LOXL1: variants seen among roughly 807,000 people sequenced by gnomAD.
The protein encoded by LOXL1 is lysyl oxidase like 1.
In LOXL1, 31 loss-of-function variants were observed where a neutral mutation model predicts 62.2. The ratio of observed to expected loss-of-function variants is 0.50; its 90% CI spans 0.37 to 0.67. LOXL1 has a LOEUF of 0.67. Among genes scored for constraint, LOXL1 ranks in the 30% least tolerant of loss-of-function variants. The pLI, the probability that LOXL1 is intolerant of heterozygous loss-of-function variation, is 0.00. For synonymous variants in LOXL1, 403 were observed against 384.4 expected (o/e 1.05, Z -0.56); for missense variants, 775 against 843.4 (o/e 0.92, Z 1.00).
chr15:73,942,616 A>C (rs1039559067), intron 1 of LOXL1, among the ~76,000 whole-genome samples: 2 of 151,980 alleles, frequency 1.3e-5, no homozygotes, highest in Non-Finnish European at 2.9e-5. Context: ...AAGCTTTTCC[A>C]GGAAGTCTTA....
intron 1 of LOXL1, 29 bp downstream of exon 1, chr15:73,927,914 C>T: frequency 7.7e-7 from 1 of 1,297,190 alleles, no homozygotes; most frequent in Non-Finnish European, 9.7e-7. Context: ...CCCCTCCGGC[C>T]GCGCGTACCC....
chr15:73,942,816 T>C (rs766244904), intron 1 of LOXL1, 38 bp from the exon 2 acceptor site: 1 of 1,297,194 alleles, frequency 7.7e-7, no homozygotes, highest in South Asian at 1.2e-5. Flanking sequence ...TGTCATGCTC[T>C]TCCTCCCTCC....
Position 73,927,824 on chromosome 15 carries a change from C to G in LOXL1, c.1041C>G (p.Asn347Lys). 1 of 1,357,566 alleles carries G rather than the reference C, an allele frequency of 7.4e-7. No individual in the cohort carries two copies. The highest frequency in any genetic ancestry group is 9.4e-7 in the Non-Finnish European group (1 of 1,063,764). The allele number at this position is 1,357,566 out of a possible 1,614,324, so 84.1% of individuals were successfully genotyped here. Residue 347 changes from asparagine to lysine, a missense_variant, in exon 1 of 7, where the codon AAC (asparagine) becomes AAG (lysine). Physicochemically the swap from Asn to Lys is moderately conservative, Grantham distance 94 (BLOSUM62 0). Transcript: ENST00000261921. ...SDTPPPGGER[N>K]GAQQGRLSVG... The stretch of plus-strand genomic sequence containing the variant: ...CGCCCCCGCCGGGTGGGGAGCGGAA[C>G]GGCGCGCAGCAGGGCCGCCTCAGCG...
intron 1 of LOXL1, among the ~76,000 whole-genome samples, chr15:73,938,670 C>T (rs2068693155): frequency 6.6e-6 from 1 of 152,196 alleles, no homozygotes; most frequent in Non-Finnish European, 1.5e-5. Flanking sequence ...AAGATCGCAC[C>T]ACTGCCCTCC....
chr15:73,949,429 C>T (rs1397475753), intron 5 of LOXL1, 30 bp from the exon 6 acceptor site: 2 of 1,338,316 alleles, frequency 1.5e-6, no homozygotes, highest in Admixed American at 1.7e-5. Flanking sequence ...TGACTAGACT[C>T]CCTTTCTCCC....
rs754733212 is a variant in LOXL1 at position 73,947,185 on chromosome 15, G to T, written c.1468G>T (p.Gly490Cys). ...FCLEDSTCDF[G>C]NLKRYACTSH... ...CCTGGAGGACAGCACCTGTGACTTC[G>T]GCAACCTCAAGCGCTATGCATGCAC... is the stretch of plus-strand genomic sequence containing the variant. The change falls in exon 4 of 7, where the codon GGC (glycine) becomes TGC (cysteine). Residue 490 changes from glycine (G) to cysteine (C), a missense_variant. Physicochemically the swap from Gly to Cys is radical, Grantham distance 159. Coordinates refer to ENST00000261921, the MANE Select transcript of LOXL1 (RefSeq NM_005576.4). 2.5e-6 allele frequency: 4 copies of T among 1,613,120 alleles called. No individual in the cohort carries two copies. The highest frequency in any genetic ancestry group is 2.2e-5 in the East Asian group (1 of 44,874).
chr15:73,937,136 G>A (rs67173550), intron 1 of LOXL1, among the ~76,000 whole-genome samples: 44,358 of 152,040 alleles, frequency 0.29, 7,021 homozygotes, highest in East Asian at 0.55. Flanking sequence ...TTTGTCCTCC[G>A]GTTCCCGAGG....
chr15:73,949,364 T>G, intron 5 of LOXL1, 95 bp from the exon 6 acceptor site: 3 of 769,650 alleles, frequency 3.9e-6, no homozygotes, highest in Non-Finnish European at 7.2e-6. Flanking sequence ...CCTCTCTGTC[T>G]GTCTGTCTGC....
chr15:73,943,060 C>G lies in LOXL1; in HGVS notation c.1211+98C>G, dbSNP rs1242317291. 5 of 930,822 alleles carry G rather than the reference C, an allele frequency of 5.4e-6. No individual in the cohort carries two copies. In the African/African-American group the frequency reaches 8.1e-5, roughly 15 times the overall value. 57.7% of individuals were successfully genotyped at this position (930,822 alleles called of 1,614,324 possible). A position where few individuals can be genotyped will look rare whatever the true frequency, so the allele number is the denominator to read the frequency against. On this transcript the variant is annotated intron_variant, in intron 2 of 6. Coordinates refer to ENST00000261921, the MANE Select transcript of LOXL1 (RefSeq NM_005576.4). ...GGCTGCCAGCTAGGCTGTCTGCAAGCTGATGACCCTGGCCAAGTGCCCCAG... is the reference window on the plus strand; with the variant it reads ...GGCTGCCAGCTAGGCTGTCTGCAAGGTGATGACCCTGGCCAAGTGCCCCAG...
intron 1 of LOXL1, among the ~76,000 whole-genome samples, chr15:73,940,915 A>G (rs1344475913): frequency 3.3e-5 from 5 of 152,152 alleles, no homozygotes; most frequent in Admixed American, 1.3e-4. Context: ...TCAGGCCACA[A>G]AAGCTTTGTG....
intron 3 of LOXL1, 131 bp from the exon 4 acceptor site, chr15:73,946,936 C>G: frequency 9.9e-7 from 1 of 1,013,076 alleles, no homozygotes; most frequent in Non-Finnish European, 1.4e-6. Flanking sequence ...ACTCAGGAGA[C>G]AGGAGAACCT....
chr15:73,940,039 T>C (rs1438939785), intron 1 of LOXL1, among the ~76,000 whole-genome samples: 1 of 152,180 alleles, frequency 6.6e-6, no homozygotes, highest in Admixed American at 6.5e-5. Flanking sequence ...AAAACAAAAG[T>C]TGCTCCACTG....
Position 73,942,976 on chromosome 15 carries a change from GC to G in LOXL1, c.1211+15del, listed in dbSNP as rs1567088228. On this transcript the variant is annotated intron_variant, in intron 2 of 6. Transcript: ENST00000261921. ...GTGTCTGGCCAGGTAAGGAGCTGAGGCAGAAGTGTAGAGTGTTGGGATAGTC... is the reference window on the plus strand; with the variant it reads ...GTGTCTGGCCAGGTAAGGAGCTGAGGAGAAGTGTAGAGTGTTGGGATAGTC... The G allele has an allele frequency of 2.5e-6, 4 of 1,597,416 alleles. No individual in the cohort carries two copies. The East Asian group carries it at 8.9e-5, about 36-fold the overall frequency.
rs541838051 is a variant in LOXL1, at chr15:73,945,515, G to A, written c.1212-902G>A. Reference sequence around the variant, plus strand: ...GTCAGGGAAAAAGTTCAGCCTGTTTGGAAAATAGGCTTTGAAGCAGGAACC... The same window carrying A: ...GTCAGGGAAAAAGTTCAGCCTGTTTAGAAAATAGGCTTTGAAGCAGGAACC... On this transcript the variant is annotated intron_variant, in intron 2 of 6. Transcript: ENST00000261921. The surrounding 1 kb of genome is among the most constrained non-coding windows in gnomAD (Gnocchi z 4.3). Among the ~76,000 whole-genome samples, 9 of 152,278 alleles carry A rather than the reference G, an allele frequency of 5.9e-5. No individual in the cohort carries two copies. In the South Asian group the frequency reaches 1.9e-3, roughly 32 times the overall value.
In LOXL1 at chr15:73,945,048, C is replaced by T. The variant is rs1047045912; in HGVS notation, c.1212-1369C>T. Reference sequence around the variant, plus strand: ...GCTAAAGAGGGGAGGGGCCTTCAGCCACCCCTTCCTGTTCCTACCACACAT... The same window carrying T: ...GCTAAAGAGGGGAGGGGCCTTCAGCTACCCCTTCCTGTTCCTACCACACAT... On this transcript the variant is annotated intron_variant, in intron 2 of 6. Coordinates refer to ENST00000261921, the MANE Select transcript of LOXL1 (RefSeq NM_005576.4). The surrounding 1 kb of genome is among the most constrained non-coding windows in gnomAD (Gnocchi z 4.3). Among the ~76,000 whole-genome samples, 2 of 152,174 alleles carry T rather than the reference C, an allele frequency of 1.3e-5. No homozygotes were observed. Among genetic ancestry groups the T allele is most frequent in the Non-Finnish European group, 2.9e-5 (2 of 68,040 alleles).
intron 6 of LOXL1, among the ~76,000 whole-genome samples, chr15:73,950,709 C>T (rs1285324469): frequency 1.3e-5 from 2 of 152,144 alleles, no homozygotes; most frequent in Non-Finnish European, 2.9e-5. Flanking sequence ...CAGTGTGTGA[C>T]CAGGATCAGG....
In LOXL1 at chr15:73,951,827, T is replaced by C; in HGVS notation, c.1719-4T>C. ...TCATTGACCCACTGTCTTTCCTTCC[T>C]CAGATCCTGATCTCCGGGAGGGACA... On this transcript the variant is annotated splice_polypyrimidine_tract_variant and splice_region_variant and intron_variant, in intron 6 of 6. Coordinates refer to ENST00000261921, the MANE Select transcript of LOXL1 (RefSeq NM_005576.4). The C allele has an allele frequency of 6.5e-7, 1 of 1,549,980 alleles. No individual in the cohort carries two copies. The highest frequency in any genetic ancestry group is 8.7e-7 in the Non-Finnish European group (1 of 1,144,310).
In LOXL1 at chr15:73,946,467, G is replaced by A. The variant is rs778488759; in HGVS notation, c.1262G>A (p.Arg421His). The change falls in exon 3 of 7, where the codon CGC becomes CAC. Residue 421 changes from arginine (R) to histidine (H), a missense_variant. Arg to His is a conservative substitution (Grantham distance 29, BLOSUM62 0). Transcript: ENST00000261921. ...ATDYDVRVLL[R>H]FPQRVKNQGT... ...GACTACGATGTGCGGGTGCTACTGC[G>A]CTTCCCCCAGCGCGTGAAGAACCAG... The A allele has an allele frequency of 3.3e-5, 54 of 1,612,638 alleles. No individual in the cohort carries two copies. The highest frequency in any genetic ancestry group is 4.3e-5 in the Non-Finnish European group (51 of 1,179,532).
At chr15:73,943,167 C>T (rs2141633537) in intron 2 of LOXL1, among the ~76,000 whole-genome samples, 1 of 152,290 alleles carries the variant, frequency 6.6e-6, no homozygotes, top group East Asian at 1.9e-4. Flanking sequence ...AGCGGGGGCC[C>T]AGCATTTCTG....
Sources: allele counts gnomAD v4.1 joint callset (sites outside exome capture counted in the v4.1 genomes callset), GRCh38; gene constraint gnomAD v4.1.1; non-coding constraint Gnocchi (gnomAD v3.1); transcripts MANE v1.5; gene names NCBI Gene and HGNC (gene_info 2026-07-23, HGNC 2026-07-21).